GSE1: variants seen among roughly 807,000 people sequenced by gnomAD.
The protein encoded by GSE1 is genetic suppressor element 1.
GSE1 carries 32 observed loss-of-function variants against 112.6 expected under a neutral mutation model. The ratio of observed to expected loss-of-function variants is 0.28; its 90% CI spans 0.21 to 0.38. GSE1 has a LOEUF of 0.38. GSE1 is among the 10% of genes least tolerant of loss of function. The pLI is 1.00. For missense variants in GSE1, 2,348 were observed against 1,699.2 expected, an observed-to-expected ratio of 1.38 and a Z score of -6.71; for synonymous variants, 1,115 against 735.6, an observed-to-expected ratio of 1.52 and a Z score of -8.35.
At chr16:85,232,344 C>T (rs1597858784) in intron 1 of GSE1, among the ~76,000 whole-genome samples, 2 of 152,278 alleles carry the variant, frequency 1.3e-5, no homozygotes, top group Admixed American at 1.3e-4. Flanking sequence ...CATCTACTCC[C>T]CTCGGACCTC....
chr16:85,169,893 G>C (rs1163217764), exon 1 of GSE1: 2 of 984,314 alleles, frequency 2.0e-6, no homozygotes, highest in African/African-American at 3.5e-5. Context: ...AGTGCGACGC[G>C]GGCGCAGGCG....
chr16:85,384,903 G>A lies in GSE1; in HGVS notation c.2464+27260G>A, dbSNP rs531997685. ...CACCCTGGGGGCCCTCAGGCAAGCAGCCAAGCAGGTAGGAGATCCGGCCTT... is the reference window on the plus strand; with the variant it reads ...CACCCTGGGGGCCCTCAGGCAAGCAACCAAGCAGGTAGGAGATCCGGCCTT... On this transcript the variant is annotated intron_variant, in intron 2 of 2. Transcript: ENST00000637419. Among the ~76,000 whole-genome samples the A allele has an allele frequency of 2.0e-5, 3 of 152,362 alleles. No individual in the cohort carries two copies. The East Asian group carries it at 5.8e-4, about 29-fold the overall frequency.
At chr16:85,629,243 T>A (rs1030767786) in intron 1 of GSE1, among the ~76,000 whole-genome samples, 4 of 152,224 alleles carry the variant, frequency 2.6e-5, no homozygotes, top group African/African-American at 9.6e-5. Flanking sequence ...CGGGTATTTC[T>A]TTATAGCAAC....
chr16:85,671,659 T>G (rs1223662066), intron 15 of GSE1, among the ~76,000 whole-genome samples: 1 of 152,168 alleles, frequency 6.6e-6, no homozygotes, highest in East Asian at 1.9e-4. Context: ...TAGGATTTAC[T>G]TATAGAATAT....
Position 85,539,042 on chromosome 16 carries a change from C to A in GSE1, c.2465-94872C>A, listed in dbSNP as rs564052200. ...GCCGGTGCCCCTGCACAGTGCCAGC[C>A]CCGCGGGGCATGGCTCACCTTCCCC... On this transcript the variant is annotated intron_variant, in intron 2 of 2. Transcript: ENST00000637419. 2.0e-5 allele frequency among the ~76,000 whole-genome samples: 3 copies of A among 152,326 alleles called. No individual in the cohort carries two copies. In the South Asian group the frequency reaches 6.2e-4, roughly 32 times the overall value.
intron 1 of GSE1, among the ~76,000 whole-genome samples, chr16:85,245,640 C>G (rs755784635): frequency 5.3e-5 from 8 of 152,162 alleles, no homozygotes; most frequent in Non-Finnish European, 7.3e-5. Flanking sequence ...CGTTTTAACT[C>G]TTAAAATAGT....
chr16:85,289,765 C>T (rs975731930), intron 1 of GSE1, among the ~76,000 whole-genome samples: 8 of 152,152 alleles, frequency 5.3e-5, no homozygotes, highest in Admixed American at 1.3e-4. Context: ...GATGAGGAAC[C>T]CAGGCCGGGC....
intron 1 of GSE1, among the ~76,000 whole-genome samples, chr16:85,236,406 CTGGCCCAGTGGGCT>C (rs897526628): frequency 2.0e-5 from 3 of 152,246 alleles, no homozygotes; most frequent in African/African-American, 7.2e-5. Context: ...GTCTGGGCCT[CTGGCCCAGTGGGCT>C]AAAAACTCTG....
chr16:85,458,335 T>G (rs2049887690), intron 2 of GSE1, among the ~76,000 whole-genome samples: 1 of 152,098 alleles, frequency 6.6e-6, no homozygotes. Flanking sequence ...AGGCCACAGG[T>G]AAATGAGGCC....
intron 14 of GSE1, among the ~76,000 whole-genome samples, chr16:85,669,811 C>T (rs912916820): frequency 1.3e-5 from 2 of 152,208 alleles, no homozygotes; most frequent in Non-Finnish European, 2.9e-5. Context: ...CTTTCCCACC[C>T]AACCAGTTGT....
intron 7 of GSE1, 100 bp downstream of exon 7, chr16:85,656,765 C>T: frequency 2.8e-6 from 4 of 1,414,118 alleles, no homozygotes; most frequent in Non-Finnish European, 3.7e-6. Flanking sequence ...TGTAAATGTT[C>T]CCCAGCTGAG....
intron 2 of GSE1, among the ~76,000 whole-genome samples, chr16:85,550,737 G>T (rs1598146748): frequency 6.6e-6 from 1 of 152,178 alleles, no homozygotes; most frequent in Non-Finnish European, 1.5e-5. Flanking sequence ...GACTCTCTTG[G>T]CCAGCTAGGC....
chr16:85,212,330 T>C (rs964207622), intron 1 of GSE1, among the ~76,000 whole-genome samples: 19 of 152,076 alleles, frequency 1.2e-4, no homozygotes, highest in African/African-American at 4.6e-4. Flanking sequence ...CGCTTGAACC[T>C]GGGAGGGAGA....
intron 1 of GSE1, among the ~76,000 whole-genome samples, chr16:85,339,626 G>A (rs1364344950): frequency 6.7e-6 from 1 of 150,248 alleles, no homozygotes; most frequent in Admixed American, 6.6e-5. Flanking sequence ...AGGGGGAGGG[G>A]GGCAGAGAGA....
At chr16:85,503,610 A>G (rs1265932426) in intron 2 of GSE1, among the ~76,000 whole-genome samples, 3 of 152,102 alleles carry the variant, frequency 2.0e-5, no homozygotes, top group African/African-American at 7.2e-5. Flanking sequence ...CCAAATTATG[A>G]TCTCTTGCCT....
chr16:85,293,793 C>T (rs1325721800), intron 1 of GSE1, among the ~76,000 whole-genome samples: 1 of 152,178 alleles, frequency 6.6e-6, no homozygotes, highest in Non-Finnish European at 1.5e-5. Context: ...CTGCCTCTGC[C>T]ATCATGTGAC....
chr16:85,489,863 G>A (rs532467944), intron 2 of GSE1: 1 of 152,360 alleles, frequency 6.6e-6, no homozygotes, highest in Non-Finnish European at 1.5e-5. Context: ...AGGAGAAGAG[G>A]AGAGACAGGC....
chr16:85,227,616 G>C (rs76727537), intron 1 of GSE1, among the ~76,000 whole-genome samples: 44 of 152,322 alleles, frequency 2.9e-4, no homozygotes, highest in African/African-American at 9.9e-4. Context: ...TTGCAGGTTG[G>C]GGCTGGATGC....
At chr16:85,621,837 C>T (rs1470799348) in intron 1 of GSE1, among the ~76,000 whole-genome samples, 1 of 152,164 alleles carries the variant, frequency 6.6e-6, no homozygotes, top group Non-Finnish European at 1.5e-5. Context: ...CTCCGGCCCA[C>T]CTCTGCTTAC....
Sources: allele counts gnomAD v4.1 joint callset (sites outside exome capture counted in the v4.1 genomes callset), GRCh38; gene constraint gnomAD v4.1.1; transcripts MANE v1.5; gene names NCBI Gene and HGNC (gene_info 2026-07-23, HGNC 2026-07-21).